ZFC3H1: variants seen among roughly 807,000 people sequenced by gnomAD.
ZFC3H1 encodes the protein zinc finger C3H1 domain-containing protein.
A neutral mutation model predicts 243.7 loss-of-function variants in ZFC3H1; 71 were observed. That is an observed-to-expected ratio of 0.29 (90% confidence interval 0.24 to 0.36). The LOEUF is 0.36. Ranked by LOEUF, ZFC3H1 falls within the 10% of genes least tolerant of loss-of-function variation. The pLI, the probability that ZFC3H1 is intolerant of heterozygous loss-of-function variation, is 1.00. For missense variants in ZFC3H1, 1,966 were observed against 2,317.1 expected (o/e 0.85, Z 3.11); for synonymous variants, 838 against 813.0 (o/e 1.03, Z -0.52).
Position 71,640,686 on chromosome 12 carries a change from G to A in ZFC3H1, c.1627+1750C>T, listed in dbSNP as rs143525844. On this transcript the variant is annotated intron_variant, in intron 6 of 34. Coordinates refer to ENST00000378743, the MANE Select transcript of ZFC3H1 (RefSeq NM_144982.5). ...CCTCTCTACCTTGGTGGCACTGTGTGCTCCAGCTGGCCAGGGGCAGCTGCC... is the reference window on the plus strand; with the variant it reads ...CCTCTCTACCTTGGTGGCACTGTGTACTCCAGCTGGCCAGGGGCAGCTGCC... Among the ~76,000 whole-genome samples the A allele has an allele frequency of 5.3e-3, 809 of 152,288 alleles. 1 individual carries two copies. The highest frequency in any genetic ancestry group is 0.019 in the African/African-American group (772 of 41,568).
intron 21 of ZFC3H1, 140 bp from the exon 22 acceptor site, chr12:71,626,586 G>T: frequency 1.3e-6 from 1 of 742,410 alleles, no homozygotes; most frequent in Non-Finnish European, 2.0e-6. Context: ...ATGAAAAGGG[G>T]TACTAGATTT....
At chr12:71,655,101 T>A (rs976739299) in intron 2 of ZFC3H1, among the ~76,000 whole-genome samples, 3 of 152,158 alleles carry the variant, frequency 2.0e-5, no homozygotes, top group African/African-American at 7.2e-5. Flanking sequence ...AAAGCTCAAG[T>A]AATCTATAAA....
At chr12:71,631,230 T>C (rs1312791230) in intron 16 of ZFC3H1, among the ~76,000 whole-genome samples, 1 of 152,090 alleles carries the variant, frequency 6.6e-6, no homozygotes, top group Non-Finnish European at 1.5e-5. Flanking sequence ...TAAAATACTA[T>C]ATAATACCGG....
In ZFC3H1 at chr12:71,629,838, G is replaced by A. The variant is rs1405405458; in HGVS notation, c.3725-128C>T. On this transcript the variant is annotated intron_variant, in intron 18 of 34. Transcript: ENST00000378743. ...ATGGTACTAGTCAATAACACCTATG[G>A]CATTTGAAAGGGCAAAGCCTGTATT... The A allele has an allele frequency of 2.2e-5, 13 of 599,670 alleles. No homozygotes were observed. The East Asian group carries it at 3.5e-4, about 16-fold the overall frequency. The allele number at this position is 599,670 out of a possible 1,614,324, so 37.1% of individuals were successfully genotyped here. A position where few individuals can be genotyped will look rare whatever the true frequency, so the allele number is the denominator to read the frequency against.
At position 71,636,899 on chromosome 12, in the gene ZFC3H1, C is replaced by A; in HGVS notation, c.1886G>T (p.Arg629Leu). 2 of 1,613,936 alleles carry A rather than the reference C, an allele frequency of 1.2e-6. No individual in the cohort carries two copies. Among genetic ancestry groups the A allele is most frequent in the Non-Finnish European group, 1.7e-6 (2 of 1,179,950 alleles). Residue 629 changes from arginine (R) to leucine (L), a missense_variant, in exon 8 of 35, where the codon CGA (arginine) becomes CTA (leucine). Physicochemically the swap from Arg to Leu is moderately radical, Grantham distance 102. This residue lies in a region of ZFC3H1 where 1,383 missense variants were observed against 1,723.7 expected (regional missense o/e 0.80). Coordinates refer to ENST00000378743, the MANE Select transcript of ZFC3H1 (RefSeq NM_144982.5). ...DEEEEEEMLLREELLKSLANK... is the reference protein window; with the variant it reads ...DEEEEEEMLLLEELLKSLANK... ...TGCTAGAGATTTAAGTAGTTCTTCT[C>A]GAAGCAGCATTTCTTCCTCCTCTTC...
intron 12 of ZFC3H1, among the ~76,000 whole-genome samples, 200 bp downstream of exon 12, chr12:71,633,955 G>A (rs946119055): frequency 3.3e-5 from 5 of 152,164 alleles, no homozygotes; most frequent in African/African-American, 1.2e-4. Context: ...ACCGCGCCTG[G>A]CCGGTATTTT....
chr12:71,629,473 G>T, intron 19 of ZFC3H1, 136 bp downstream of exon 19: 1 of 589,868 alleles, frequency 1.7e-6, no homozygotes, highest in Non-Finnish European at 2.9e-6. Flanking sequence ...AGCCTGGAAT[G>T]ATATGTATTA....
At chr12:71,621,334 T>C (rs1353175974) in intron 24 of ZFC3H1, among the ~76,000 whole-genome samples, 1 of 151,684 alleles carries the variant, frequency 6.6e-6, no homozygotes, top group Non-Finnish European at 1.5e-5. Flanking sequence ...AATGGAGTCT[T>C]GCTCTGTTGC....
In ZFC3H1 at chr12:71,615,329, A is replaced by G. The variant is rs1329259243; in HGVS notation, c.5145-13T>C. 3 of 1,551,870 alleles carry G rather than the reference A, an allele frequency of 1.9e-6. No individual in the cohort carries two copies. In the African/African-American group the frequency reaches 4.1e-5, roughly 21 times the overall value. On this transcript the variant is annotated splice_polypyrimidine_tract_variant and intron_variant, in intron 27 of 34. Transcript: ENST00000378743. ...ATTTAAGAGATACCTGAAAAAAAAAATCCAAATATTGTTTTAAATTACACC... is the reference window on the plus strand; with the variant it reads ...ATTTAAGAGATACCTGAAAAAAAAAGTCCAAATATTGTTTTAAATTACACC...
rs1005119886 is a variant in ZFC3H1 at position 71,659,308 on chromosome 12, T to A, written c.599-2007A>T. 2.6e-5 allele frequency among the ~76,000 whole-genome samples: 4 copies of A among 152,308 alleles called. No homozygotes were observed. The South Asian group carries it at 6.2e-4, about 24-fold the overall frequency. On this transcript the variant is annotated intron_variant, in intron 1 of 34. Coordinates refer to ENST00000378743, the MANE Select transcript of ZFC3H1 (RefSeq NM_144982.5). ...ATTCCCCTTGTTTAAATTTCCCTAA[T>A]AAAAAAGTCCAAAATCCTGAGAATA... is the stretch of plus-strand genomic sequence containing the variant.
chr12:71,657,452 T>C (rs540749639), intron 1 of ZFC3H1, 151 bp from the exon 2 acceptor site: 5 of 680,616 alleles, frequency 7.3e-6, no homozygotes, highest in East Asian at 5.7e-5. Context: ...ATTTAATGTA[T>C]GTGCAGCTAA....
chr12:71,635,358 T>A, intron 10 of ZFC3H1, 85 bp downstream of exon 10: 1 of 1,481,202 alleles, frequency 6.8e-7, no homozygotes, highest in South Asian at 1.4e-5. Context: ...AATCTATAAC[T>A]TTATGGTTTA....
intron 3 of ZFC3H1, among the ~76,000 whole-genome samples, chr12:71,646,143 C>T (rs1175524860): frequency 6.6e-6 from 1 of 152,140 alleles, no homozygotes; most frequent in Non-Finnish European, 1.5e-5. Flanking sequence ...ATGATTTCAC[C>T]TGAATATGAA....
rs895629617 is a variant in ZFC3H1, at chr12:71,624,286, G to A, written c.4324C>T (p.His1442Tyr). The A allele has an allele frequency of 1.4e-5, 22 of 1,607,826 alleles. No individual in the cohort carries two copies. In the East Asian group the frequency reaches 3.1e-4, roughly 23 times the overall value. The change falls in exon 23 of 35, where the codon CAC becomes TAC. Residue 1442 changes from histidine (H) to tyrosine (Y), a missense_variant. Coordinates refer to ENST00000378743, the MANE Select transcript of ZFC3H1 (RefSeq NM_144982.5). Reference protein sequence around the residue: ...PDYQSFWTFLHLESTFEEKDY... With the variant: ...PDYQSFWTFLYLESTFEEKDY... ...TTTTCTTCAAAGGTACTTTCTAGGT[G>A]TAGAAACTGCCCAAAGGGCCTTTAT...
At chr12:71,652,959 A>T (rs1880929104) in intron 2 of ZFC3H1, among the ~76,000 whole-genome samples, 1 of 152,068 alleles carries the variant, frequency 6.6e-6, no homozygotes, top group Non-Finnish European at 1.5e-5. Context: ...TTCAAAAAAA[A>T]ACAACGACCA....
At position 71,611,104 on chromosome 12, in the gene ZFC3H1, G is replaced by GAAA. The variant is rs566085973; in HGVS notation, c.5730-10_5730-8dup. 9.1e-4 allele frequency: 1,163 copies of GAAA among 1,278,124 alleles called. 1 individual carries two copies. The highest frequency in any genetic ancestry group is 2.5e-3 in the South Asian group (136 of 54,416). 79.2% of individuals were successfully genotyped at this position (1,278,124 alleles called of 1,614,324 possible). On this transcript the variant is annotated splice_polypyrimidine_tract_variant and splice_region_variant and intron_variant, in intron 32 of 34. Transcript: ENST00000378743. ...AATCTCAGCAGCAATGGCTCTAAGA[G>GAAA]AAAAAAAAAAAAAAAGAAATATAGA...
chr12:71,663,588 GC>G lies in ZFC3H1; in HGVS notation c.22del (p.Ala8ProfsTer76), dbSNP rs1406129415. The G allele has an allele frequency of 1.2e-6, 2 of 1,611,238 alleles. No individual in the cohort carries two copies. Among genetic ancestry groups the G allele is most frequent in the Non-Finnish European group, 1.7e-6 (2 of 1,179,626 alleles). On this transcript the variant is annotated frameshift_variant, in exon 1 of 35. Coordinates refer to ENST00000378743, the MANE Select transcript of ZFC3H1 (RefSeq NM_144982.5). LOFTEE classifies it high-confidence loss of function. The stretch of plus-strand genomic sequence containing the variant: ...CGGCGAGAGGCCACTGGAGGCCGGG[GC>G]CGGAGTATCTGCGGTCGCCATCCGG... MATADTP[A>X]PASSGLSPKE...
intron 11 of ZFC3H1, 45 bp from the exon 12 acceptor site, chr12:71,634,349 C>A: frequency 6.4e-7 from 1 of 1,574,420 alleles, no homozygotes; most frequent in Non-Finnish European, 8.6e-7. Context: ...CAAGAATAAA[C>A]TTAAACTATT....
At chr12:71,623,723 T>A in intron 23 of ZFC3H1, 126 bp from the exon 24 acceptor site, 2 of 691,842 alleles carry the variant, frequency 2.9e-6, no homozygotes, top group Non-Finnish European at 2.3e-6. Flanking sequence ...ATTTTAAGTG[T>A]CCTGATACTT....
Sources: allele counts gnomAD v4.1 joint callset (sites outside exome capture counted in the v4.1 genomes callset), GRCh38; gene constraint gnomAD v4.1.1; regional missense constraint gnomAD v4.1.1; transcripts MANE v1.5; gene names NCBI Gene and HGNC (gene_info 2026-07-23, HGNC 2026-07-21).